Variants in UMAD1 observed in about 807,000 individuals in gnomAD.
UMAD1 encodes UBAP1-MVB12-associated (UMA) domain containing 1.
UMAD1 carries 8 observed loss-of-function variants against 6.1 expected under a neutral mutation model. That is an observed-to-expected ratio of 1.30 (90% CI 0.76 to 2.35). The LOEUF (loss-of-function observed/expected upper bound fraction) is 2.35. UMAD1 is among the 30% of genes most tolerant of loss of function. UMAD1 has a pLI of 0.00. For synonymous variants in UMAD1, 56 were observed against 31.4 expected, an observed-to-expected ratio of 1.78 and a Z score of -2.61; for missense variants, 130 against 78.4, an observed-to-expected ratio of 1.66 and a Z score of -2.49.
At chr7:7,648,331 T>C (rs1785144946) in intron 1 of UMAD1, among the ~76,000 whole-genome samples, 1 of 152,266 alleles carries the variant, frequency 6.6e-6, no homozygotes, top group Admixed American at 6.5e-5. Flanking sequence ...GACTTTATAC[T>C]GTGTGGCCCT....
At chr7:7,779,719 A>G (rs1055185226) in intron 2 of UMAD1, among the ~76,000 whole-genome samples, 2 of 152,078 alleles carry the variant, frequency 1.3e-5, no homozygotes, top group African/African-American at 2.4e-5. Flanking sequence ...ATCTCAGCTC[A>G]CTGCAACCTC....
chr7:7,752,183 A>G (rs1167281045), intron 2 of UMAD1, among the ~76,000 whole-genome samples: 1 of 152,232 alleles, frequency 6.6e-6, no homozygotes, highest in Non-Finnish European at 1.5e-5. Context: ...AAATTATTTG[A>G]TATCAAAAAG....
At chr7:7,647,209 G>A (rs1785118159) in intron 1 of UMAD1, among the ~76,000 whole-genome samples, 1 of 152,032 alleles carries the variant, frequency 6.6e-6, no homozygotes, top group Admixed American at 6.5e-5. Flanking sequence ...TAAGTTCTAG[G>A]TATTTTCTAG....
At chr7:7,722,289 A>C (rs1225104071) in intron 2 of UMAD1, among the ~76,000 whole-genome samples, 1 of 151,984 alleles carries the variant, frequency 6.6e-6, no homozygotes, top group Non-Finnish European at 1.5e-5. Flanking sequence ...CTAGAGGAAC[A>C]GAATATTAAG....
At chr7:7,789,181 C>T (rs981285410) in intron 2 of UMAD1, among the ~76,000 whole-genome samples, 10 of 152,092 alleles carry the variant, frequency 6.6e-5, no homozygotes, top group African/African-American at 2.4e-4. Context: ...TTTTTTGCTG[C>T]AAGGCATAGT....
At chr7:7,735,413 C>CTT (rs71014707) in intron 2 of UMAD1, among the ~76,000 whole-genome samples, 10,976 of 145,776 alleles carry the variant, frequency 0.075, 473 homozygotes, top group South Asian at 0.11. Context: ...ACATCCTCAC[C>CTT]TTTTTTTTTT....
chr7:7,754,512 G>A (rs185977399), intron 2 of UMAD1, among the ~76,000 whole-genome samples: 17 of 152,168 alleles, frequency 1.1e-4, no homozygotes, highest in East Asian at 1.9e-4. Flanking sequence ...TATTAATCCC[G>A]CATCAAATGG....
chr7:7,684,312 A>G (rs1308196685), intron 2 of UMAD1, among the ~76,000 whole-genome samples: 1 of 150,994 alleles, frequency 6.6e-6, no homozygotes, highest in Non-Finnish European at 1.5e-5. Context: ...AGCAATTCTC[A>G]TGCCTCAGAG....
At chr7:7,871,979 C>A (rs913269734) in intron 3 of UMAD1, among the ~76,000 whole-genome samples, 1 of 151,960 alleles carries the variant, frequency 6.6e-6, no homozygotes, top group African/African-American at 2.4e-5. Context: ...CACACTCAGT[C>A]TCCCACCACA....
intron 3 of UMAD1, among the ~76,000 whole-genome samples, chr7:7,856,298 C>T (rs976660177): frequency 6.6e-5 from 10 of 152,204 alleles, no homozygotes; most frequent in Non-Finnish European, 1.5e-4. Flanking sequence ...GTTTAATTGA[C>T]TCACAGATCT....
intron 3 of UMAD1, among the ~76,000 whole-genome samples, chr7:7,832,845 A>C (rs755871945): frequency 2.0e-5 from 3 of 152,174 alleles, no homozygotes; most frequent in Non-Finnish European, 2.9e-5. Flanking sequence ...GGTGGTGATC[A>C]CATTGATTGG....
At chr7:7,806,648 T>C (rs1782922679) in intron 3 of UMAD1, among the ~76,000 whole-genome samples, 1 of 152,232 alleles carries the variant, frequency 6.6e-6, no homozygotes, top group African/African-American at 2.4e-5. Context: ...TTGCATTTCT[T>C]TGGAGTTATC....
intron 2 of UMAD1, among the ~76,000 whole-genome samples, chr7:7,691,635 G>A (rs963058181): frequency 6.6e-6 from 1 of 152,182 alleles, no homozygotes; most frequent in Non-Finnish European, 1.5e-5. Context: ...CAGTGACTGA[G>A]GAAGTAAATT....
At chr7:7,753,777 T>G (rs753681539) in intron 2 of UMAD1, among the ~76,000 whole-genome samples, 3 of 152,202 alleles carry the variant, frequency 2.0e-5, no homozygotes, top group Non-Finnish European at 2.9e-5. Context: ...TTTCTTTCCT[T>G]TGGGTATATA....
intron 2 of UMAD1, among the ~76,000 whole-genome samples, chr7:7,770,625 G>T (rs930285677): frequency 6.6e-6 from 1 of 152,216 alleles, no homozygotes; most frequent in African/African-American, 2.4e-5. Flanking sequence ...AGTTTGAAAG[G>T]CATCTAGGAG....
At position 7,703,927 on chromosome 7, in the gene UMAD1, T is replaced by C. The variant is rs1780529363; in HGVS notation, c.82+30474T>C. Among the ~76,000 whole-genome samples, 4 of 151,060 alleles carry C rather than the reference T, an allele frequency of 2.6e-5. No homozygotes were observed. In the South Asian group the frequency reaches 8.4e-4, roughly 32 times the overall value. ...ACTGCAGTGAAGCCTGGGCGACAGA[T>C]AACCTGTCTCTTAACAAAGGAAAGA... On this transcript the variant is annotated intron_variant, in intron 2 of 3. Coordinates refer to ENST00000682710, the MANE Select transcript of UMAD1 (RefSeq NM_001302348.2).
chr7:7,804,538 C>T (rs972371060), intron 3 of UMAD1, among the ~76,000 whole-genome samples: 5 of 152,112 alleles, frequency 3.3e-5, no homozygotes, highest in East Asian at 3.9e-4. Context: ...CCGGGCTTGG[C>T]GCCGTGCGCC....
intron 3 of UMAD1, among the ~76,000 whole-genome samples, chr7:7,834,023 T>C (rs866265410): frequency 0.26 from 35,819 of 135,260 alleles, 4,814 homozygotes; most frequent in Admixed American, 0.35. Context: ...TTTCTTTTTT[T>C]TTTTTTTTTT....
intron 3 of UMAD1, among the ~76,000 whole-genome samples, chr7:7,845,980 A>G (rs1783775566): frequency 6.6e-6 from 1 of 152,060 alleles, no homozygotes; most frequent in Non-Finnish European, 1.5e-5. Flanking sequence ...AAGCTTTAAC[A>G]CTCTCTTTGC....
Sources: allele counts gnomAD v4.1 joint callset (sites outside exome capture counted in the v4.1 genomes callset), GRCh38; gene constraint gnomAD v4.1.1; transcripts MANE v1.5; gene names NCBI Gene and HGNC (gene_info 2026-07-23, HGNC 2026-07-21).